Variants in PTPRD observed in about 807,000 individuals in gnomAD.
The protein encoded by PTPRD is protein tyrosine phosphatase receptor type D.
A neutral mutation model predicts 214.5 loss-of-function variants in PTPRD; 34 were observed. That is an observed-to-expected ratio of 0.16 (90% CI 0.12 to 0.21). The LOEUF (loss-of-function observed/expected upper bound fraction) is 0.21, where lower values mean the gene tolerates loss of function less well. Ranked by LOEUF, PTPRD falls within the 10% of genes least tolerant of loss-of-function variation. The pLI is 1.00. For synonymous variants in PTPRD, 1,128 were observed against 845.7 expected, an observed-to-expected ratio of 1.33 and a Z score of -5.79; for missense variants, 2,545 against 2,398.7, an observed-to-expected ratio of 1.06 and a Z score of -1.27.
chr9:9,484,811 C>T (rs944641), intron 8 of PTPRD, among the ~76,000 whole-genome samples: 109,242 of 151,946 alleles, frequency 0.72, 39,313 homozygotes, highest in South Asian at 0.74. Flanking sequence ...CCAAGCAATA[C>T]TGCTTCTTCC....
intron 8 of PTPRD, 114 bp downstream of exon 8, chr9:9,574,618 T>A (rs1248010913): frequency 6.6e-6 from 1 of 152,058 alleles, no homozygotes; most frequent in East Asian, 1.9e-4. Context: ...TCAACATTTA[T>A]GGTTAAATAT....
chr9:9,611,466 T>C (rs1028041568), intron 7 of PTPRD, among the ~76,000 whole-genome samples: 1 of 152,150 alleles, frequency 6.6e-6, no homozygotes, highest in African/African-American at 2.4e-5. Context: ...TTTTTGTATA[T>C]GTCAATAACA....
intron 10 of PTPRD, among the ~76,000 whole-genome samples, chr9:9,037,263 C>G (rs1258894074): frequency 6.6e-6 from 1 of 152,034 alleles, no homozygotes; most frequent in Non-Finnish European, 1.5e-5. Flanking sequence ...AACTGAAGCT[C>G]AGGGAGGTTC....
chr9:9,035,232 G>T (rs570764416), intron 10 of PTPRD, among the ~76,000 whole-genome samples: 5 of 152,154 alleles, frequency 3.3e-5, no homozygotes, highest in African/African-American at 4.8e-5. Flanking sequence ...AAAACAGGAG[G>T]CTTAATTCCT....
At chr9:8,683,180 G>T (rs915990851) in intron 12 of PTPRD, among the ~76,000 whole-genome samples, 40 of 152,168 alleles carry the variant, frequency 2.6e-4, no homozygotes, top group Non-Finnish European at 2.9e-5. Flanking sequence ...CACACACAAA[G>T]CTGTATTTTC....
At chr9:9,393,795 T>C (rs899538091) in intron 9 of PTPRD, among the ~76,000 whole-genome samples, 16 of 152,148 alleles carry the variant, frequency 1.1e-4, no homozygotes, top group Non-Finnish European at 1.6e-4. Context: ...ATACTGAATA[T>C]AAATAATTTA....
chr9:9,237,668 G>A (rs900714213), intron 9 of PTPRD, among the ~76,000 whole-genome samples: 12 of 152,036 alleles, frequency 7.9e-5, no homozygotes, highest in Admixed American at 6.6e-5. Context: ...GTCCAAAGCT[G>A]ACTTAATGGA....
At chr9:8,665,535 T>C (rs1457991302) in intron 12 of PTPRD, among the ~76,000 whole-genome samples, 2 of 152,220 alleles carry the variant, frequency 1.3e-5, no homozygotes, top group Non-Finnish European at 2.9e-5. Flanking sequence ...GTTAAGTCAC[T>C]TACCCTAATT....
chr9:8,834,698 G>C (rs969875485), intron 11 of PTPRD, among the ~76,000 whole-genome samples: 2 of 152,116 alleles, frequency 1.3e-5, no homozygotes, highest in African/African-American at 4.8e-5. Flanking sequence ...GAGGATCAAG[G>C]AGACCACACA....
chr9:8,698,002 C>G (rs2097963668), intron 12 of PTPRD, among the ~76,000 whole-genome samples: 1 of 152,206 alleles, frequency 6.6e-6, no homozygotes, highest in Non-Finnish European at 1.5e-5. Context: ...GTGTCATTCA[C>G]AGTCCTCTGT....
At chr9:8,413,659 G>T (rs965028731) in intron 35 of PTPRD, among the ~76,000 whole-genome samples, 2 of 152,106 alleles carry the variant, frequency 1.3e-5, no homozygotes, top group South Asian at 2.1e-4. Flanking sequence ...AATCAAAGAA[G>T]TCACACAGGA....
intron 14 of PTPRD, among the ~76,000 whole-genome samples, chr9:8,615,165 T>G (rs1226117383): frequency 6.6e-6 from 1 of 152,130 alleles, no homozygotes; most frequent in Non-Finnish European, 1.5e-5. Context: ...AGCACTCAAT[T>G]AGCAACTCCA....
intron 3 of PTPRD, among the ~76,000 whole-genome samples, chr9:10,327,701 ATT>A (rs1003243556): frequency 6.6e-6 from 1 of 151,498 alleles, no homozygotes; most frequent in African/African-American, 2.4e-5. Flanking sequence ...ATTTGAAACT[ATT>A]TTTTTTCCAC....
rs924875360 is a variant in PTPRD at position 9,311,652 on chromosome 9, A to G, written c.-203+85797T>C. On this transcript the variant is annotated intron_variant, in intron 9 of 45. Coordinates refer to ENST00000381196, the MANE Select transcript of PTPRD (RefSeq NM_002839.4). ...ACCTACCCCATAATTAGCTATAAAA[A>G]TGAGATTAAAAACTCCTCTCTGACA... Among the ~76,000 whole-genome samples the G allele has an allele frequency of 2.6e-5, 4 of 152,180 alleles. No individual in the cohort carries two copies. In the East Asian group the frequency reaches 5.8e-4, roughly 22 times the overall value.
intron 8 of PTPRD, among the ~76,000 whole-genome samples, chr9:9,422,812 C>A (rs2079303909): frequency 6.6e-6 from 1 of 152,130 alleles, no homozygotes; most frequent in Non-Finnish European, 1.5e-5. Context: ...TCCTTGAGAC[C>A]TTTGCAGTTC....
chr9:8,592,892 G>A (rs1319474887), intron 14 of PTPRD, among the ~76,000 whole-genome samples: 1 of 152,248 alleles, frequency 6.6e-6, no homozygotes, highest in African/African-American at 2.4e-5. Flanking sequence ...GTTGAATCGT[G>A]AAGGATAGGT....
intron 3 of PTPRD, among the ~76,000 whole-genome samples, chr9:10,185,251 G>A (rs187283551): frequency 9.2e-5 from 14 of 152,164 alleles, no homozygotes; most frequent in African/African-American, 2.4e-4. Flanking sequence ...GTACAAAAGC[G>A]GGTTTTCAAC....
At chr9:8,424,480 G>A (rs934287860) in intron 35 of PTPRD, among the ~76,000 whole-genome samples, 5 of 152,156 alleles carry the variant, frequency 3.3e-5, no homozygotes, top group African/African-American at 9.7e-5. Context: ...ATGAGTTAAT[G>A]TTTACAGTAA....
intron 2 of PTPRD, among the ~76,000 whole-genome samples, chr9:10,496,062 C>G (rs973317508): frequency 1.3e-5 from 2 of 151,132 alleles, no homozygotes; most frequent in East Asian, 1.9e-4. Context: ...GAGTAACTGC[C>G]CATAATATAT....
Sources: gnomAD v4.1 joint callset for allele counts (sites outside exome capture counted in the v4.1 genomes callset) on GRCh38, gnomAD v4.1.1 for gene constraint, MANE v1.5 for transcripts, NCBI Gene and HGNC (gene_info 2026-07-23, HGNC 2026-07-21) for gene names.